The following SYNPR variants were observed in gnomAD, a reference collection of about 807,000 sequenced individuals.
The protein encoded by SYNPR is synaptoporin.
SYNPR carries 23 observed loss-of-function variants against 32.9 expected under a neutral mutation model. The observed-to-expected ratio is 0.70, with a 90% confidence interval of 0.50 to 0.99. SYNPR has a LOEUF of 0.99. Ranked by LOEUF, SYNPR falls within the 50% of genes least tolerant of loss-of-function variation. The pLI, the probability that SYNPR is intolerant of heterozygous loss-of-function variation, is 0.00. For synonymous variants in SYNPR, 146 were observed against 135.9 expected (o/e 1.07, Z -0.52); for missense variants, 318 against 349.3 (o/e 0.91, Z 0.71).
chr3:63,509,101 AGC>A (rs781753120), intron 3 of SYNPR, among the ~76,000 whole-genome samples: 151 of 149,394 alleles, frequency 1.0e-3, no homozygotes, highest in Admixed American at 1.7e-3. Flanking sequence ...TGTACCTTTC[AGC>A]ATATATATAT....
At chr3:63,220,436 T>C in the SYNPR span, among the ~76,000 whole-genome samples, 1 of 152,154 alleles carries the variant, frequency 6.6e-6, no homozygotes, top group African/African-American at 2.4e-5. Context: ...TCCTGCACTC[T>C]GCTATGTGAT....
rs1553870463 is a variant in SYNPR at position 63,340,419 on chromosome 3, A to ACTTT, written c.84+61677_84+61678insCTTT. Among the ~76,000 whole-genome samples, 964 of 128,498 alleles carry ACTTT rather than the reference A, an allele frequency of 7.5e-3. 55 individuals carry two copies. The highest frequency in any genetic ancestry group is 0.013 in the South Asian group (52 of 4,044). 84.3% of individuals were successfully genotyped at this position (128,498 alleles called of 152,430 possible). A position where few individuals can be genotyped will look rare whatever the true frequency, so the allele number is the denominator to read the frequency against. Reference sequence around the variant, plus strand: ...TTCTACCATTAATTAAAAAAAATGTATTTTTTTTTTTTTTTTTTGAGACGG... The same window carrying ACTTT: ...TTCTACCATTAATTAAAAAAAATGTACTTTTTTTTTTTTTTTTTTTTTGAGACGG... On this transcript the variant is annotated intron_variant, in intron 2 of 5. Coordinates refer to ENST00000478300, the MANE Select transcript of SYNPR (RefSeq NM_001130003.2).
intron 4 of SYNPR, among the ~76,000 whole-genome samples, chr3:63,570,737 A>T (rs906664306): frequency 8.5e-5 from 13 of 152,122 alleles, no homozygotes; most frequent in African/African-American, 3.1e-4. Context: ...GTGCAAATCC[A>T]TTATTACCTT....
chr3:63,226,978 A>C (rs2086133354), upstream of SYNPR, among the ~76,000 whole-genome samples: 2 of 152,356 alleles, frequency 1.3e-5, no homozygotes, highest in South Asian at 4.1e-4. Flanking sequence ...CATGTACTTC[A>C]TAAATATGTA....
chr3:63,279,320 C>A (rs1198882068), intron 2 of SYNPR, among the ~76,000 whole-genome samples: 1 of 152,144 alleles, frequency 6.6e-6, no homozygotes, highest in Admixed American at 6.5e-5. Flanking sequence ...GAGCAGAACT[C>A]CTTCCTTCCC....
intron 2 of SYNPR, among the ~76,000 whole-genome samples, chr3:63,413,476 T>A (rs1169370722): frequency 2.0e-5 from 3 of 152,230 alleles, no homozygotes; most frequent in Non-Finnish European, 4.4e-5. Context: ...ATAGCTTATT[T>A]GATCCACATA....
chr3:63,318,795 G>A (rs1214331164), intron 2 of SYNPR, among the ~76,000 whole-genome samples: 2 of 151,890 alleles, frequency 1.3e-5, no homozygotes, highest in East Asian at 1.9e-4. Flanking sequence ...ATCCATTGCT[G>A]GTGAACTAGT....
At chr3:63,238,237 T>C (rs1046642962) in intron 1 of SYNPR, among the ~76,000 whole-genome samples, 1 of 152,078 alleles carries the variant, frequency 6.6e-6, no homozygotes, top group African/African-American at 2.4e-5. Context: ...GGGTTTATAG[T>C]TGTGCACAGT....
At chr3:63,292,994 G>T (rs950506260) in intron 2 of SYNPR, among the ~76,000 whole-genome samples, 7 of 152,136 alleles carry the variant, frequency 4.6e-5, no homozygotes, top group Admixed American at 2.6e-4. Flanking sequence ...TTGGCAAGGG[G>T]ATCATGAATT....
intron 3 of SYNPR, among the ~76,000 whole-genome samples, chr3:63,548,350 A>T (rs761899845): frequency 6.6e-6 from 1 of 151,904 alleles, no homozygotes; most frequent in Non-Finnish European, 1.5e-5. Flanking sequence ...CTGAGCTCCA[A>T]CTTCCCTATC....
chr3:63,541,599 G>A (rs1425074152), intron 3 of SYNPR, among the ~76,000 whole-genome samples: 3 of 151,922 alleles, frequency 2.0e-5, no homozygotes, highest in Admixed American at 6.6e-5. Context: ...AATCTATTGC[G>A]TACTAAATCC....
At chr3:63,301,273 T>G (rs1003994886) in intron 2 of SYNPR, among the ~76,000 whole-genome samples, 1 of 152,162 alleles carries the variant, frequency 6.6e-6, no homozygotes, top group Non-Finnish European at 1.5e-5. Context: ...AGGTATAAAA[T>G]GCGTTCAGCG....
At chr3:63,393,713 G>C (rs1269531172) in intron 2 of SYNPR, among the ~76,000 whole-genome samples, 1 of 151,970 alleles carries the variant, frequency 6.6e-6, no homozygotes, top group East Asian at 1.9e-4. Context: ...GTCTTGCTGT[G>C]TTGCTCAGGG....
intron 4 of SYNPR, among the ~76,000 whole-genome samples, chr3:63,599,917 A>G (rs995744510): frequency 1.3e-5 from 2 of 152,248 alleles, no homozygotes; most frequent in African/African-American, 4.8e-5. Context: ...ATGAAATATT[A>G]AGCAATAACA....
At chr3:63,276,491 G>C (rs541092854), upstream of SYNPR, among the ~76,000 whole-genome samples, 4 of 152,252 alleles carry the variant, frequency 2.6e-5, no homozygotes, top group Admixed American at 2.0e-4. Context: ...GTTAAGATAG[G>C]TATTTTGGCT....
At chr3:63,274,652 C>T (rs1449345283), upstream of SYNPR, among the ~76,000 whole-genome samples, 1 of 152,174 alleles carries the variant, frequency 6.6e-6, no homozygotes. Context: ...TTTACAGTAT[C>T]TAGAACAGTA....
intron 3 of SYNPR, among the ~76,000 whole-genome samples, chr3:63,512,335 G>T (rs185051289): frequency 1.1e-4 from 16 of 152,048 alleles, no homozygotes; most frequent in African/African-American, 3.6e-4. Flanking sequence ...TCTAGATTTG[G>T]AACAGAATAT....
chr3:63,566,132 A>G lies in SYNPR; in HGVS notation c.408+9391A>G, dbSNP rs184795615. 5.6e-4 allele frequency among the ~76,000 whole-genome samples: 85 copies of G among 152,252 alleles called. 1 individual carries two copies. Among genetic ancestry groups the G allele is most frequent in the Admixed American group, 1.0e-3 (16 of 15,292 alleles). On this transcript the variant is annotated intron_variant, in intron 4 of 5. Transcript: ENST00000478300. ...TCTAGAATACTTCAGGAGCATTTAT[A>G]TTGCTCCTGACTCCATATCTAATTA...
intron 1 of SYNPR, among the ~76,000 whole-genome samples, chr3:63,229,954 C>G (rs777154516): frequency 5.9e-5 from 9 of 152,088 alleles, no homozygotes; most frequent in Non-Finnish European, 1.0e-4. Flanking sequence ...ATTAAATTTT[C>G]TTTATAAAAA....
Sources: gnomAD v4.1 joint callset for allele counts (sites outside exome capture counted in the v4.1 genomes callset) on GRCh38, gnomAD v4.1.1 for gene constraint, MANE v1.5 for transcripts, NCBI Gene and HGNC (gene_info 2026-07-23, HGNC 2026-07-21) for gene names.